PKHD1: variants seen among roughly 807,000 people sequenced by gnomAD.
PKHD1 encodes the protein fibrocystin.
In PKHD1, 291 loss-of-function variants were observed where a neutral mutation model predicts 412.0. That is an observed-to-expected ratio of 0.71 (90% confidence interval 0.64 to 0.78). PKHD1 has a LOEUF of 0.78. Among genes scored for constraint, PKHD1 ranks in the 30% least tolerant of loss-of-function variants. The pLI is 0.00. For missense variants in PKHD1, 4,825 were observed against 4,950.7 expected (o/e 0.97, Z 0.76); for synonymous variants, 1,777 against 1,821.5 (o/e 0.98, Z 0.62).
chr6:52,083,390 A>G, intron 2 of PKHD1, 135 bp from the exon 3 acceptor site: 1 of 710,832 alleles, frequency 1.4e-6, no homozygotes, highest in Non-Finnish European at 2.6e-6. Context: ...GTTGCACCAC[A>G]TCCCCAGAGT....
intron 47 of PKHD1, among the ~76,000 whole-genome samples, chr6:51,869,457 A>G (rs1022895220): frequency 4.6e-5 from 7 of 152,098 alleles, no homozygotes; most frequent in Non-Finnish European, 1.0e-4. Context: ...TAGTGCCTAG[A>G]TCAAGAGTTC....
intron 60 of PKHD1, among the ~76,000 whole-genome samples, chr6:51,733,472 G>A (rs1222514954): frequency 1.3e-5 from 2 of 150,396 alleles, no homozygotes; most frequent in Non-Finnish European, 2.9e-5. Flanking sequence ...AGGAGGCGGA[G>A]CTTGCAGTGA....
chr6:51,791,188 A>C (rs557711346), intron 53 of PKHD1, 48 bp downstream of exon 53: 1 of 1,594,256 alleles, frequency 6.3e-7, no homozygotes, highest in South Asian at 1.1e-5. Context: ...GCCCCTTCTC[A>C]CAGAATATAA....
chr6:51,872,597 C>T (rs1776148465), intron 46 of PKHD1, among the ~76,000 whole-genome samples: 1 of 152,196 alleles, frequency 6.6e-6, no homozygotes, highest in Admixed American at 6.5e-5. Context: ...TTAGTAGAGA[C>T]AGGGTTTTGC....
At chr6:51,740,296 T>C (rs1784406629) in intron 60 of PKHD1, among the ~76,000 whole-genome samples, 1 of 152,236 alleles carries the variant, frequency 6.6e-6, no homozygotes, top group African/African-American at 2.4e-5. Flanking sequence ...TCCACATGGA[T>C]GGTTTTTGCT....
At chr6:51,681,898 C>A (rs1030474131) in intron 60 of PKHD1, among the ~76,000 whole-genome samples, 12 of 152,066 alleles carry the variant, frequency 7.9e-5, no homozygotes, top group Non-Finnish European at 1.6e-4. Flanking sequence ...ATATTTGCCA[C>A]CTGGCCCTTA....
In PKHD1 at chr6:51,959,969, C is replaced by T. The variant is rs1294932338; in HGVS notation, c.5809G>A (p.Glu1937Lys). ...RWSRTHSWFP[E>K]RLPQDGDNVT... ...TTGTCGCCATCTTGTGGCAGCCTTT[C>T]AGGAAACCAGCTGTGAGTCCTGGAC... The change falls in exon 36 of 67, where the codon GAA (glutamate) becomes AAA (lysine). Residue 1937 changes from glutamate (E) to lysine (K), a missense_variant. Coordinates refer to ENST00000371117, the MANE Select transcript of PKHD1 (RefSeq NM_138694.4). 5.0e-6 allele frequency: 8 copies of T among 1,613,442 alleles called. No individual in the cohort carries two copies. Among genetic ancestry groups the T allele is most frequent in the Non-Finnish European group, 1.7e-6 (2 of 1,179,662 alleles).
intron 60 of PKHD1, among the ~76,000 whole-genome samples, chr6:51,691,668 A>G (rs1451120252): frequency 6.6e-6 from 1 of 152,118 alleles, no homozygotes; most frequent in African/African-American, 2.4e-5. Flanking sequence ...GGTAGAGGGT[A>G]GAAGAATTAA....
intron 59 of PKHD1, among the ~76,000 whole-genome samples, chr6:51,746,452 G>T (rs1785205069): frequency 2.0e-5 from 3 of 152,134 alleles, no homozygotes. Flanking sequence ...TCTTTCATCA[G>T]CTAAAGAAAA....
At chr6:52,048,109 G>A (rs761515799) in intron 23 of PKHD1, among the ~76,000 whole-genome samples, 9 of 152,184 alleles carry the variant, frequency 5.9e-5, no homozygotes, top group Non-Finnish European at 1.3e-4. Context: ...GAAGAGGCAG[G>A]AGCAAATACT....
intron 52 of PKHD1, among the ~76,000 whole-genome samples, chr6:51,801,654 T>TGTGTGTGTGTGA (rs751203950): frequency 1.8e-5 from 2 of 114,252 alleles, no homozygotes; most frequent in African/African-American, 7.5e-5. Context: ...TGTGTGTGTG[T>TGTGTGTGTGTGA]GAGAGAGAGA....
At chr6:52,021,360 G>T (rs1022375007) in intron 33 of PKHD1, among the ~76,000 whole-genome samples, 1 of 152,120 alleles carries the variant, frequency 6.6e-6, no homozygotes, top group Admixed American at 6.6e-5. Flanking sequence ...TATACTAGTT[G>T]AAATTAAGTG....
chr6:52,016,060 G>A (rs1410003598), intron 34 of PKHD1, among the ~76,000 whole-genome samples: 6 of 152,172 alleles, frequency 3.9e-5, no homozygotes, highest in Admixed American at 3.9e-4. Flanking sequence ...CTACTGACAT[G>A]TACTTCCTGG....
chr6:51,791,363 G>A lies in PKHD1; in HGVS notation c.8313C>T (p.Val2771=), dbSNP rs368995583. ...AGAATGGAAGATCTGTATCCACAAG[G>A]ACAGTTCTGTCTGTGGAAGAAAAAG... The part of the protein sequence containing the change: ...DDVLILPNRT[V]LVDTDLPFFK... The change falls in exon 53 of 67, where the codon GTC becomes GTT. Residue 2771 remains valine (V), a synonymous_variant. Transcript: ENST00000371117. 1.3e-5 allele frequency: 21 copies of A among 1,613,432 alleles called. No individual in the cohort carries two copies. Among genetic ancestry groups the A allele is most frequent in the Admixed American group, 3.3e-5 (2 of 59,968 alleles).
chr6:51,765,966 G>GAAGC (rs984202202), intron 55 of PKHD1, among the ~76,000 whole-genome samples: 19 of 152,010 alleles, frequency 1.2e-4, no homozygotes, highest in African/African-American at 4.3e-4. Flanking sequence ...ATGCTTCAGG[G>GAAGC]AAGCCTTCTC....
intron 60 of PKHD1, among the ~76,000 whole-genome samples, chr6:51,687,235 T>TA (rs1208389844): frequency 1.3e-5 from 2 of 152,094 alleles, no homozygotes; most frequent in Non-Finnish European, 2.9e-5. Flanking sequence ...GAAAGTACTC[T>TA]ATGAAGATAG....
chr6:51,929,492 A>G (rs1355708520), intron 37 of PKHD1, among the ~76,000 whole-genome samples: 1 of 140,680 alleles, frequency 7.1e-6, no homozygotes, highest in Non-Finnish European at 1.5e-5. Context: ...GGGAACCCCT[A>G]AATCCCCTCC....
intron 52 of PKHD1, among the ~76,000 whole-genome samples, chr6:51,807,437 CAAAAA>C (rs1174429085): frequency 0.069 from 2,626 of 38,274 alleles, 114 homozygotes; most frequent in Middle Eastern, 0.17. Flanking sequence ...GACTCTGTCT[CAAAAA>C]AAAAAAAAAA....
At chr6:51,626,532 G>T (rs1306242785) in intron 66 of PKHD1, among the ~76,000 whole-genome samples, 1 of 152,138 alleles carries the variant, frequency 6.6e-6, no homozygotes, top group Non-Finnish European at 1.5e-5. Context: ...ACTACATTTT[G>T]CTAAAAGTAC....
Sources: gnomAD v4.1 joint callset for allele counts (sites outside exome capture counted in the v4.1 genomes callset) on GRCh38, gnomAD v4.1.1 for gene constraint, MANE v1.5 for transcripts, NCBI Gene and HGNC (gene_info 2026-07-23, HGNC 2026-07-21) for gene names.